CPNE4: variants seen among roughly 807,000 people sequenced by gnomAD.
CPNE4 encodes copine 4.
A neutral mutation model predicts 67.9 loss-of-function variants in CPNE4; 25 were observed. That is an observed-to-expected ratio of 0.37 (90% CI 0.27 to 0.51). The LOEUF is 0.51. Ranked by LOEUF, CPNE4 falls within the 20% of genes least tolerant of loss-of-function variation. The pLI is 0.93. For missense variants in CPNE4, 464 were observed against 690.8 expected, an observed-to-expected ratio of 0.67 and a Z score of 3.68; for synonymous variants, 242 against 244.9, an observed-to-expected ratio of 0.99 and a Z score of 0.11.
At chr3:131,735,908 C>T (rs1162820441) in intron 2 of CPNE4, among the ~76,000 whole-genome samples, 2 of 152,192 alleles carry the variant, frequency 1.3e-5, no homozygotes, top group East Asian at 3.9e-4. Context: ...AACTTCTCTC[C>T]CCTACCTCCT....
At chr3:131,986,762 C>T (rs1292959833) in intron 1 of CPNE4, among the ~76,000 whole-genome samples, 4 of 144,170 alleles carry the variant, frequency 2.8e-5, no homozygotes, top group Admixed American at 1.4e-4. Context: ...AGCCGGGAGG[C>T]GGAGGTTGCA....
At position 131,971,432 on chromosome 3, in the gene CPNE4, T is replaced by C. The variant is rs552235679; in HGVS notation, c.-2+63135A>G. Among the ~76,000 whole-genome samples, 9 of 152,296 alleles carry C rather than the reference T, an allele frequency of 5.9e-5. No individual in the cohort carries two copies. In the East Asian group the frequency reaches 1.5e-3, roughly 26 times the overall value. ...ATTTGGAACTATCTTTTTTATACCA[T>C]AGAACCACAATCTCTTCAACGCTTC... is the stretch of plus-strand genomic sequence containing the variant. On this transcript the variant is annotated intron_variant, in intron 1 of 15. Coordinates refer to ENST00000429747, the MANE Select transcript of CPNE4 (RefSeq NM_130808.3).
At chr3:131,903,502 C>A (rs2088628284) in intron 2 of CPNE4, among the ~76,000 whole-genome samples, 1 of 152,044 alleles carries the variant, frequency 6.6e-6, no homozygotes, top group Non-Finnish European at 1.5e-5. Context: ...GGAATTCAAC[C>A]TAAAATATTG....
At chr3:131,580,871 C>T (rs541999986) in intron 9 of CPNE4, among the ~76,000 whole-genome samples, 141 of 152,176 alleles carry the variant, frequency 9.3e-4, no homozygotes, top group African/African-American at 3.3e-3. Flanking sequence ...GAATAAGGTA[C>T]CACATATAAA....
intron 2 of CPNE4, among the ~76,000 whole-genome samples, chr3:131,785,669 C>G (rs1042312242): frequency 2.0e-5 from 2 of 99,616 alleles, no homozygotes; most frequent in Non-Finnish European, 4.5e-5. Flanking sequence ...CTCTTTCTCT[C>G]TTTCTCTCTC....
At chr3:131,631,952 A>G (rs910242681) in intron 7 of CPNE4, among the ~76,000 whole-genome samples, 3 of 147,784 alleles carry the variant, frequency 2.0e-5, no homozygotes, top group African/African-American at 7.7e-5. Context: ...CTGGAGTGCC[A>G]TGGCACCCTG....
chr3:131,906,393 T>C (rs2088762745), intron 1 of CPNE4, among the ~76,000 whole-genome samples: 1 of 124,322 alleles, frequency 8.0e-6, no homozygotes, highest in Non-Finnish European at 1.7e-5. Context: ...CCTAATGCTA[T>C]CCCTCCCCCC....
intron 2 of CPNE4, among the ~76,000 whole-genome samples, chr3:131,868,156 G>GTCCCCTGATGTCATTTCTTTTGT (rs1353910415): frequency 4.6e-5 from 7 of 152,084 alleles, no homozygotes; most frequent in African/African-American, 1.7e-4. Context: ...TTTGTTAATT[G>GTCCCCTGATGTCATTTCTTTTGT]TCCCCTGATG....
intron 2 of CPNE4, among the ~76,000 whole-genome samples, chr3:131,852,128 T>C (rs1167483997): frequency 2.0e-5 from 3 of 152,060 alleles, no homozygotes; most frequent in Non-Finnish European, 4.4e-5. Context: ...TACGTTTTAT[T>C]CTTAAAATAT....
chr3:131,540,733 T>C (rs1031069493), intron 15 of CPNE4, among the ~76,000 whole-genome samples: 5 of 152,300 alleles, frequency 3.3e-5, no homozygotes, highest in Middle Eastern at 3.4e-3. Context: ...GAGAAAGGCT[T>C]TACCAAATAA....
At chr3:131,898,278 T>C (rs902860552) in intron 2 of CPNE4, among the ~76,000 whole-genome samples, 8 of 152,092 alleles carry the variant, frequency 5.3e-5, no homozygotes, top group Non-Finnish European at 7.4e-5. Context: ...CAATCTGTAA[T>C]TCCATCTTTC....
chr3:131,579,710 G>A (rs926575902), intron 9 of CPNE4, among the ~76,000 whole-genome samples: 4 of 152,198 alleles, frequency 2.6e-5, no homozygotes, highest in Non-Finnish European at 4.4e-5. Context: ...AACTGGAGAT[G>A]TGGTAGAAAT....
At chr3:131,599,848 G>A (rs1939105091) in intron 7 of CPNE4, among the ~76,000 whole-genome samples, 1 of 152,198 alleles carries the variant, frequency 6.6e-6, no homozygotes, top group Admixed American at 6.5e-5. Flanking sequence ...CCCAGGCTCT[G>A]TCTCCACAGA....
chr3:131,727,842 T>A (rs990794480), intron 2 of CPNE4, among the ~76,000 whole-genome samples: 3 of 152,210 alleles, frequency 2.0e-5, no homozygotes, highest in African/African-American at 7.2e-5. Flanking sequence ...ATTATATAAA[T>A]GTATATCATA....
At chr3:131,539,204 C>T (rs992005575) in intron 15 of CPNE4, among the ~76,000 whole-genome samples, 5 of 152,124 alleles carry the variant, frequency 3.3e-5, no homozygotes, top group East Asian at 1.9e-4. Flanking sequence ...GGTGAGTATG[C>T]GCCTGGTGTT....
At chr3:131,804,994 A>T (rs537781745) in intron 2 of CPNE4, among the ~76,000 whole-genome samples, 54 of 152,330 alleles carry the variant, frequency 3.5e-4, no homozygotes, top group Non-Finnish European at 6.8e-4. Context: ...TGAATGGTTT[A>T]TTATTTAAGG....
chr3:132,019,860 T>G (rs991921678), intron 1 of CPNE4, among the ~76,000 whole-genome samples: 1 of 152,156 alleles, frequency 6.6e-6, no homozygotes, highest in African/African-American at 2.4e-5. Flanking sequence ...TAAAGTCTAT[T>G]TATGCAACAT....
At chr3:131,823,687 T>C (rs2085046916) in intron 2 of CPNE4, among the ~76,000 whole-genome samples, 1 of 152,226 alleles carries the variant, frequency 6.6e-6, no homozygotes, top group Non-Finnish European at 1.5e-5. Flanking sequence ...AGGTTAGGTA[T>C]GAAGGCCAAG....
chr3:131,606,638 C>A (rs1204142698), intron 7 of CPNE4, among the ~76,000 whole-genome samples: 1 of 152,116 alleles, frequency 6.6e-6, no homozygotes, highest in Non-Finnish European at 1.5e-5. Flanking sequence ...ACAAAATCAT[C>A]AGGACATTTT....
Sources: allele counts gnomAD v4.1 joint callset (sites outside exome capture counted in the v4.1 genomes callset), GRCh38; gene constraint gnomAD v4.1.1; transcripts MANE v1.5; gene names NCBI Gene and HGNC (gene_info 2026-07-23, HGNC 2026-07-21).